ENOX1: variants seen among roughly 807,000 people sequenced by gnomAD.
ENOX1 encodes the protein ecto-NOX disulfide-thiol exchanger 1, also known as candidate growth-related and time keeping constitutive hydroquinone (NADH) oxidase.
A neutral mutation model predicts 82.5 loss-of-function variants in ENOX1; 42 were observed. The observed-to-expected ratio is 0.51, with a 90% confidence interval of 0.40 to 0.66. The LOEUF is 0.66. Ranked by LOEUF, ENOX1 falls within the 30% of genes least tolerant of loss-of-function variation. The pLI, the probability that ENOX1 is intolerant of heterozygous loss-of-function variation, is 0.00. For synonymous variants in ENOX1, 271 were observed against 282.2 expected (o/e 0.96, Z 0.40); for missense variants, 608 against 811.6 (o/e 0.75, Z 3.05).
chr13:43,667,713 C>T lies in ENOX1; in HGVS notation c.-284-169G>A, dbSNP rs865966782. ...ATTGAATGCCCTTGGAGAAGGTCTC[C>T]GCATGGTGCTAACTTGGTAACAATC... On this transcript the variant is annotated intron_variant, in intron 1 of 16. Coordinates refer to ENST00000690772, the MANE Select transcript of ENOX1 (RefSeq NM_001347969.2). Among the ~76,000 whole-genome samples the T allele has an allele frequency of 3.4e-4, 52 of 152,256 alleles. No individual in the cohort carries two copies. The Middle Eastern group carries it at 0.02, about 60-fold the overall frequency.
chr13:43,514,240 T>G (rs191128487), intron 2 of ENOX1, among the ~76,000 whole-genome samples: 1 of 152,324 alleles, frequency 6.6e-6, no homozygotes, highest in East Asian at 1.9e-4. Flanking sequence ...ATTGAGAGTT[T>G]TTTGTTTTTA....
chr13:43,673,019 C>A (rs2085340021), intron 1 of ENOX1, among the ~76,000 whole-genome samples: 1 of 152,100 alleles, frequency 6.6e-6, no homozygotes, highest in South Asian at 2.1e-4. Context: ...TTTTCTAGAT[C>A]AATTCTTTGT....
chr13:43,469,074 C>T (rs1471082365), intron 3 of ENOX1, among the ~76,000 whole-genome samples: 1 of 152,092 alleles, frequency 6.6e-6, no homozygotes, highest in African/African-American at 2.4e-5. Flanking sequence ...AACTTTCAGT[C>T]TTTCACTAAT....
chr13:43,457,524 AG>A (rs1193035687), intron 3 of ENOX1, among the ~76,000 whole-genome samples: 1 of 152,114 alleles, frequency 6.6e-6, no homozygotes, highest in Non-Finnish European at 1.5e-5. Context: ...GCAGAAAGGG[AG>A]GGAGGGGGAA....
intron 3 of ENOX1, among the ~76,000 whole-genome samples, chr13:43,472,479 C>A (rs2058110939): frequency 6.6e-6 from 1 of 152,102 alleles, no homozygotes; most frequent in Non-Finnish European, 1.5e-5. Flanking sequence ...AACGGTATTT[C>A]CTTGACTTTC....
At chr13:43,620,882 T>G (rs1296938523) in intron 2 of ENOX1, among the ~76,000 whole-genome samples, 1 of 152,232 alleles carries the variant, frequency 6.6e-6, no homozygotes, top group African/African-American at 2.4e-5. Flanking sequence ...GTTGTCTATC[T>G]CATTTCTTAG....
intron 2 of ENOX1, among the ~76,000 whole-genome samples, chr13:43,642,022 T>C (rs1344929348): frequency 6.6e-6 from 1 of 152,226 alleles, no homozygotes; most frequent in African/African-American, 2.4e-5. Flanking sequence ...CTTTTCATCA[T>C]TTAATCTACA....
At chr13:43,771,325 T>C (rs1951586771) in intron 1 of ENOX1, among the ~76,000 whole-genome samples, 1 of 152,092 alleles carries the variant, frequency 6.6e-6, no homozygotes, top group African/African-American at 2.4e-5. Context: ...TGTCGCTAGG[T>C]ATCCACATCT....
At chr13:43,548,890 C>T (rs2079076318) in intron 2 of ENOX1, among the ~76,000 whole-genome samples, 1 of 152,122 alleles carries the variant, frequency 6.6e-6, no homozygotes, top group South Asian at 2.1e-4. Context: ...TTACCTTCTG[C>T]AAAAGCGCTT....
chr13:43,347,460 T>C (rs911741164), intron 8 of ENOX1, among the ~76,000 whole-genome samples: 1 of 152,200 alleles, frequency 6.6e-6, no homozygotes, highest in Non-Finnish European at 1.5e-5. Context: ...TCAAATTAAA[T>C]TAAAAAAACA....
chr13:43,572,187 C>T (rs565894582), intron 2 of ENOX1, among the ~76,000 whole-genome samples: 1 of 152,262 alleles, frequency 6.6e-6, no homozygotes, highest in Non-Finnish European at 1.5e-5. Flanking sequence ...CCCCAATTCA[C>T]CAGCCCTTCC....
chr13:43,764,676 A>C (rs1316859215), intron 1 of ENOX1, among the ~76,000 whole-genome samples: 1 of 152,192 alleles, frequency 6.6e-6, no homozygotes, highest in Non-Finnish European at 1.5e-5. Context: ...TACAGTGTAC[A>C]AAATCTAACA....
intron 8 of ENOX1, among the ~76,000 whole-genome samples, chr13:43,352,837 G>A (rs982864125): frequency 1.3e-5 from 2 of 152,160 alleles, no homozygotes; most frequent in African/African-American, 2.4e-5. Flanking sequence ...TCTCACTCCA[G>A]CACTGCCCAT....
chr13:43,260,804 T>G (rs1312880157), intron 14 of ENOX1, among the ~76,000 whole-genome samples: 1 of 152,224 alleles, frequency 6.6e-6, no homozygotes, highest in Non-Finnish European at 1.5e-5. Context: ...TTTATAGGTT[T>G]GCTTTCCAGG....
chr13:43,673,532 T>C (rs1446616968), intron 1 of ENOX1, among the ~76,000 whole-genome samples: 32 of 152,348 alleles, frequency 2.1e-4, no homozygotes. Context: ...GAACATTAAC[T>C]CAGCTTCACT....
At chr13:43,470,398 G>GTATATATACGTATATATATA (rs1249724932) in intron 3 of ENOX1, among the ~76,000 whole-genome samples, 2 of 32,328 alleles carry the variant, frequency 6.2e-5, no homozygotes, top group African/African-American at 1.7e-4. Context: ...GTATATATAT[G>GTATATATACGTATATATATA]TGTATATATA....
chr13:43,426,384 C>T (rs1594529885), intron 3 of ENOX1, among the ~76,000 whole-genome samples: 1 of 152,142 alleles, frequency 6.6e-6, no homozygotes, highest in Non-Finnish European at 1.5e-5. Flanking sequence ...GTGGGAACTG[C>T]AATATATTGC....
At chr13:43,587,006 G>A (rs1027221400) in intron 2 of ENOX1, among the ~76,000 whole-genome samples, 1 of 151,606 alleles carries the variant, frequency 6.6e-6, no homozygotes, top group African/African-American at 2.4e-5. Flanking sequence ...CCAGGGAGTT[G>A]GAGGTTGCAG....
At chr13:43,733,368 A>T (rs935428455) in intron 1 of ENOX1, among the ~76,000 whole-genome samples, 1 of 152,174 alleles carries the variant, frequency 6.6e-6, no homozygotes, top group Admixed American at 6.5e-5. Context: ...CTATTGAAAA[A>T]CACCATCAGT....
Sources: allele counts gnomAD v4.1 joint callset (sites outside exome capture counted in the v4.1 genomes callset), GRCh38; gene constraint gnomAD v4.1.1; transcripts MANE v1.5; gene names NCBI Gene and HGNC (gene_info 2026-07-23, HGNC 2026-07-21).